The following ADHFE1 variants were observed in gnomAD, a reference collection of about 807,000 sequenced individuals.
The protein encoded by ADHFE1 is alcohol dehydrogenase iron containing 1.
A neutral mutation model predicts 54.8 loss-of-function variants in ADHFE1; 37 were observed. The ratio of observed to expected loss-of-function variants is 0.68; its 90% confidence interval spans 0.52 to 0.89. ADHFE1 has a LOEUF of 0.89. Ranked by LOEUF, ADHFE1 falls within the 40% of genes least tolerant of loss-of-function variation. The pLI, the probability that ADHFE1 is intolerant of heterozygous loss-of-function variation, is 0.00. For synonymous variants in ADHFE1, 203 were observed against 229.3 expected (o/e 0.89, Z 1.04); for missense variants, 601 against 591.2 (o/e 1.02, Z -0.17).
intron 8 of ADHFE1, among the ~76,000 whole-genome samples, chr8:66,450,803 A>C (rs62511213): frequency 0.036 from 5,426 of 152,282 alleles, 270 homozygotes; most frequent in African/African-American, 0.11. Flanking sequence ...CCATGTGGAC[A>C]CCTCATTCTT....
intron 12 of ADHFE1, among the ~76,000 whole-genome samples, chr8:66,458,232 A>G (rs933273693): frequency 2.0e-5 from 3 of 152,228 alleles, no homozygotes; most frequent in Admixed American, 1.3e-4. Flanking sequence ...AAAGGCTAAA[A>G]AGAAAACTTC....
intron 12 of ADHFE1, 128 bp downstream of exon 12, chr8:66,457,294 C>T: frequency 1.5e-6 from 1 of 662,998 alleles, no homozygotes; most frequent in East Asian, 2.9e-5. Context: ...GCCTGGGCAA[C>T]ATGGCAAAAC....
Position 66,448,440 on chromosome 8 carries a change from A to G in ADHFE1, c.629-425A>G, listed in dbSNP as rs546288748. On this transcript the variant is annotated intron_variant, in intron 7 of 13. Transcript: ENST00000396623. ...TTATTATAGTCTAATCTTACAGAGA[A>G]CTCAGAGAGGCTAAGTGACTTGCCC... Among the ~76,000 whole-genome samples, 398 of 152,302 alleles carry G rather than the reference A, an allele frequency of 2.6e-3. 3 individuals are homozygous for G. Among genetic ancestry groups the G allele is most frequent in the African/African-American group, 9.2e-3 (383 of 41,570 alleles).
chr8:66,449,102 C>T, intron 8 of ADHFE1, 132 bp downstream of exon 8: 2 of 771,832 alleles, frequency 2.6e-6, no homozygotes, highest in South Asian at 1.7e-5. Context: ...TGTCATTACC[C>T]CCTGTCCTAA....
At chr8:66,440,028 C>A in intron 1 of ADHFE1, 134 bp from the exon 2 acceptor site, 2 of 883,284 alleles carry the variant, frequency 2.3e-6, no homozygotes, top group Non-Finnish European at 3.6e-6. Context: ...TTCTATTGTA[C>A]AGTGTCTGCC....
At position 66,432,524 on chromosome 8, in the gene ADHFE1, C is replaced by A. The variant is rs61389857; in HGVS notation, c.8C>A (p.Ala3Asp). ...AAGAGGACTCCAAGCGCCATGGCCG[C>A]TGCCGCCCGAGCCCGGGTCGCGTAC... Reference protein sequence around the residue: MAAAARARVAYLL... With the variant: MADAARARVAYLL... The change falls in exon 1 of 14, where the codon GCT becomes GAT. Residue 3 changes from alanine to aspartate, a missense_variant. Coordinates refer to ENST00000396623, the MANE Select transcript of ADHFE1 (RefSeq NM_144650.3). 2.2e-6 allele frequency: 3 copies of A among 1,370,588 alleles called. No individual in the cohort carries two copies. The highest frequency in any genetic ancestry group is 3.0e-5 in the African/African-American group (2 of 66,746). The allele number at this position is 1,370,588 out of a possible 1,614,324, so 84.9% of individuals were successfully genotyped here. A position where few individuals can be genotyped will look rare whatever the true frequency, so the allele number is the denominator to read the frequency against.
intron 12 of ADHFE1, among the ~76,000 whole-genome samples, chr8:66,458,326 C>T (rs760329812): frequency 6.6e-5 from 10 of 152,128 alleles, no homozygotes; most frequent in Non-Finnish European, 1.0e-4. Flanking sequence ...CAGGAGCTCC[C>T]GCTGAGTCCC....
chr8:66,449,697 G>A (rs900855243), intron 8 of ADHFE1, among the ~76,000 whole-genome samples: 1 of 152,202 alleles, frequency 6.6e-6, no homozygotes, highest in Non-Finnish European at 1.5e-5. Flanking sequence ...TTCAGCATGT[G>A]CCAAATGACC....
At chr8:66,463,373 G>A (rs146245031) in intron 13 of ADHFE1, among the ~76,000 whole-genome samples, 2 of 152,298 alleles carry the variant, frequency 1.3e-5, no homozygotes, top group African/African-American at 4.8e-5. Context: ...AAAGTAGGAA[G>A]CCAGATTTTC....
intron 1 of ADHFE1, among the ~76,000 whole-genome samples, chr8:66,437,686 C>T (rs961830856): frequency 6.6e-6 from 1 of 152,240 alleles, no homozygotes; most frequent in Non-Finnish European, 1.5e-5. Flanking sequence ...ATGCCTGGCA[C>T]TTACTTGGTG....
chr8:66,441,648 A>G (rs142203244), intron 2 of ADHFE1, among the ~76,000 whole-genome samples: 168 of 152,316 alleles, frequency 1.1e-3, no homozygotes, highest in African/African-American at 3.3e-3. Context: ...ATGACAGAAA[A>G]TCATTTTTAC....
chr8:66,466,464 G>T (rs1355393846), intron 13 of ADHFE1, among the ~76,000 whole-genome samples: 1 of 151,988 alleles, frequency 6.6e-6, no homozygotes, highest in East Asian at 1.9e-4. Flanking sequence ...GAGTTTTAGG[G>T]TTCTAGCTCT....
intron 10 of ADHFE1, 103 bp from the exon 11 acceptor site, chr8:66,456,714 C>A: frequency 1.3e-6 from 1 of 785,064 alleles, no homozygotes; most frequent in Non-Finnish European, 2.1e-6. Context: ...GGTAATGATA[C>A]TGTCTAGAGG....
At position 66,433,882 on chromosome 8, in the gene ADHFE1, C is replaced by A. The variant is rs1805328998; in HGVS notation, c.59+1307C>A. On this transcript the variant is annotated intron_variant, in intron 1 of 13. Transcript: ENST00000396623. ...CTGTGTTCAAATTTTTGGTTGTAAA[C>A]CTGTGTCATCATAGAACTCTTTGTC... is the stretch of plus-strand genomic sequence containing the variant. Among the ~76,000 whole-genome samples, 3 of 152,058 alleles carry A rather than the reference C, an allele frequency of 2.0e-5. No homozygotes were observed. The South Asian group carries it at 6.2e-4, about 32-fold the overall frequency.
At position 66,460,472 on chromosome 8, in the gene ADHFE1, G is replaced by A; in HGVS notation, c.1320+7G>A. On this transcript the variant is annotated splice_region_variant and intron_variant, in intron 13 of 13. Coordinates refer to ENST00000396623, the MANE Select transcript of ADHFE1 (RefSeq NM_144650.3). ...GAAAGGAACGCTGCCCCAGGTAAGAGACCGGCAGGCTCCTCACTCCCTGCG... is the reference window on the plus strand; with the variant it reads ...GAAAGGAACGCTGCCCCAGGTAAGAAACCGGCAGGCTCCTCACTCCCTGCG... The A allele has an allele frequency of 6.4e-7, 1 of 1,568,098 alleles. No homozygotes were observed. The highest frequency in any genetic ancestry group is 8.7e-7 in the Non-Finnish European group (1 of 1,151,006).
At position 66,447,209 on chromosome 8, in the gene ADHFE1, T is replaced by C; in HGVS notation, c.551-55T>C. On this transcript the variant is annotated intron_variant, in intron 6 of 13. Coordinates refer to ENST00000396623, the MANE Select transcript of ADHFE1 (RefSeq NM_144650.3). ...CTCAGTCCTAAGGCTGAATTAGGTA[T>C]CTCCACTAACCTTTATTTAGATGCT... 3 of 1,499,464 alleles carry C rather than the reference T, an allele frequency of 2.0e-6. 1 individual carries two copies. The South Asian group carries it at 3.6e-5, about 18-fold the overall frequency. 92.9% of individuals were successfully genotyped at this position (1,499,464 alleles called of 1,614,324 possible).
At position 66,456,749 on chromosome 8, in the gene ADHFE1, T is replaced by C. The variant is rs1389161800; in HGVS notation, c.987-68T>C. 12 of 1,207,776 alleles carry C rather than the reference T, an allele frequency of 9.9e-6. 1 individual carries two copies. Among genetic ancestry groups the C allele is most frequent in the Middle Eastern group, 1.9e-4 (1 of 5,236 alleles). The allele number at this position is 1,207,776 out of a possible 1,614,324, so 74.8% of individuals were successfully genotyped here. ...GCCGTGACAGGCATCCCCATAAGAG[T>C]ATCTTTCTATTGTTGACTTGAATTT... On this transcript the variant is annotated intron_variant, in intron 10 of 13. Coordinates refer to ENST00000396623, the MANE Select transcript of ADHFE1 (RefSeq NM_144650.3).
intron 10 of ADHFE1, 99 bp from the exon 11 acceptor site, chr8:66,456,716 GTC>G: frequency 1.2e-6 from 1 of 836,238 alleles, no homozygotes; most frequent in Non-Finnish European, 2.0e-6. Context: ...TAATGATACT[GTC>G]TAGAGGCCGT....
chr8:66,444,452 T>A (rs1485258867), intron 4 of ADHFE1, 32 bp downstream of exon 4: 18 of 1,612,026 alleles, frequency 1.1e-5, no homozygotes, highest in Non-Finnish European at 1.5e-5. Flanking sequence ...GGTCTCCTAC[T>A]GTAAATGTTA....
Sources: gnomAD v4.1 joint callset for allele counts (sites outside exome capture counted in the v4.1 genomes callset) on GRCh38, gnomAD v4.1.1 for gene constraint, MANE v1.5 for transcripts, NCBI Gene and HGNC (gene_info 2026-07-23, HGNC 2026-07-21) for gene names.